NBAS: variants seen among roughly 807,000 people sequenced by gnomAD.
The protein encoded by NBAS is NAG/BC035112 fusion.
A neutral mutation model predicts 302.5 loss-of-function variants in NBAS; 219 were observed. The observed-to-expected ratio is 0.72, with a 90% confidence interval of 0.65 to 0.81. NBAS has a LOEUF of 0.81. Among genes scored for constraint, NBAS ranks in the 30% least tolerant of loss-of-function variants. The pLI is 0.00. For missense variants in NBAS, 2,932 were observed against 2,841.6 expected (o/e 1.03, Z -0.72); for synonymous variants, 1,118 against 1,021.6 (o/e 1.09, Z -1.80).
At chr2:15,217,424 T>A (rs1666702179) in intron 48 of NBAS, among the ~76,000 whole-genome samples, 1 of 152,234 alleles carries the variant, frequency 6.6e-6, no homozygotes, top group Non-Finnish European at 1.5e-5. Context: ...ATATTCGTGA[T>A]GAGGCCCAAA....
chr2:14,842,989 T>C, the NBAS span, among the ~76,000 whole-genome samples: 1 of 152,162 alleles, frequency 6.6e-6, no homozygotes, highest in African/African-American at 2.4e-5. Context: ...GAATTCATCC[T>C]ATGGATACAA....
chr2:15,366,702 G>A lies in NBAS; in HGVS notation c.3704-9C>T. 1 of 1,612,230 alleles carries A rather than the reference G, an allele frequency of 6.2e-7. No individual in the cohort carries two copies. Among genetic ancestry groups the A allele is most frequent in the Non-Finnish European group, 8.5e-7 (1 of 1,178,386 alleles). On this transcript the variant is annotated splice_polypyrimidine_tract_variant and intron_variant, in intron 31 of 51. Coordinates refer to ENST00000281513, the MANE Select transcript of NBAS (RefSeq NM_015909.4). The stretch of plus-strand genomic sequence containing the variant: ...ATCAGGGCACAATCGCACTACAAAA[G>A]AAAGACGTATTAAAGACTTGGACCA...
intron 12 of NBAS, among the ~76,000 whole-genome samples, chr2:15,485,282 T>TA (rs1334342154): frequency 1.3e-5 from 2 of 151,870 alleles, no homozygotes; most frequent in Non-Finnish European, 2.9e-5. Context: ...AGAATCAATG[T>TA]AAAAAATTAA....
intron 47 of NBAS, among the ~76,000 whole-genome samples, chr2:15,221,111 A>G (rs1433090012): frequency 1.3e-5 from 2 of 152,220 alleles, no homozygotes; most frequent in Non-Finnish European, 2.9e-5. Context: ...ATTAGGGTGT[A>G]AAAATAGGAT....
chr2:15,490,691 G>C (rs1336513359), intron 11 of NBAS, among the ~76,000 whole-genome samples: 1 of 152,210 alleles, frequency 6.6e-6, no homozygotes, highest in Non-Finnish European at 1.5e-5. Context: ...ACTTGCCCAT[G>C]ATCACTCAAG....
At chr2:15,539,154 T>G in intron 7 of NBAS, 69 bp downstream of exon 7, 1 of 1,596,384 alleles carries the variant, frequency 6.3e-7, no homozygotes, top group Non-Finnish European at 8.6e-7. Flanking sequence ...CTTCACACTC[T>G]TTTATTCAAG....
the NBAS span, among the ~76,000 whole-genome samples, chr2:14,930,063 C>A: frequency 6.6e-6 from 1 of 152,326 alleles, no homozygotes; most frequent in South Asian, 2.1e-4. Context: ...TTTCCTGAGG[C>A]CTCCCAGCCA....
At chr2:14,861,738 G>A in the NBAS span, among the ~76,000 whole-genome samples, 6 of 152,094 alleles carry the variant, frequency 3.9e-5, no homozygotes, top group Admixed American at 1.3e-4. Flanking sequence ...TGCAAAACAG[G>A]CAATGTAAAA....
chr2:15,374,062 C>A (rs16862549), intron 31 of NBAS, among the ~76,000 whole-genome samples: 2 of 152,014 alleles, frequency 1.3e-5, no homozygotes, highest in Admixed American at 6.6e-5. Context: ...TGGGATGATA[C>A]CAAGTTGACT....
chr2:15,322,390 A>G (rs1671851401), intron 38 of NBAS, among the ~76,000 whole-genome samples: 1 of 151,916 alleles, frequency 6.6e-6, no homozygotes, highest in Non-Finnish European at 1.5e-5. Context: ...AGTATAATAA[A>G]AAATAAATAA....
chr2:15,003,644 A>C, the NBAS span, among the ~76,000 whole-genome samples: 1 of 152,188 alleles, frequency 6.6e-6, no homozygotes, highest in Non-Finnish European at 1.5e-5. Context: ...GAGGGGACGA[A>C]GGGTCTCAAG....
chr2:15,442,152 C>T (rs1461122036), intron 21 of NBAS, among the ~76,000 whole-genome samples: 5 of 127,334 alleles, frequency 3.9e-5, no homozygotes, highest in South Asian at 2.7e-4. Flanking sequence ...CTGCACCAAG[C>T]GGACCTAATA....
the NBAS span, among the ~76,000 whole-genome samples, chr2:14,882,204 G>C: frequency 4.6e-5 from 7 of 152,042 alleles, no homozygotes; most frequent in Non-Finnish European, 1.0e-4. Flanking sequence ...TCCAAAGTTT[G>C]ATTCCAATCC....
At chr2:14,953,669 C>T in the NBAS span, among the ~76,000 whole-genome samples, 9 of 152,120 alleles carry the variant, frequency 5.9e-5, no homozygotes, top group South Asian at 2.1e-4. Flanking sequence ...CCAGGGGCTC[C>T]GTGTCCAGAC....
chr2:15,109,199 G>C, the NBAS span, among the ~76,000 whole-genome samples: 6 of 152,092 alleles, frequency 3.9e-5, no homozygotes, highest in Admixed American at 2.0e-4. Context: ...ATAGTCTTTG[G>C]TGCCTGTCAA....
chr2:15,461,251 A>G lies in NBAS; in HGVS notation c.2289T>C (p.Phe763=), dbSNP rs768132261. Residue 763 remains phenylalanine, a synonymous_variant, in exon 21 of 52, where the codon TTT becomes TTC. Coordinates refer to ENST00000281513, the MANE Select transcript of NBAS (RefSeq NM_015909.4). ...ATTCATGTGGAGAAGTGGTCTCTGG[A>G]AAGTTGGACAGAATTGCAAGGCGAT... ...LPHRLAILSN[F]PETTSPHEYS... 1.7e-5 allele frequency: 27 copies of G among 1,613,920 alleles called. No homozygotes were observed. The highest frequency in any genetic ancestry group is 2.3e-5 in the Non-Finnish European group (27 of 1,179,838).
chr2:15,392,655 C>G (rs1675667062), intron 28 of NBAS, among the ~76,000 whole-genome samples: 1 of 151,938 alleles, frequency 6.6e-6, no homozygotes, highest in African/African-American at 2.4e-5. Context: ...CATCAGTGTT[C>G]ATGGATTGGA....
In NBAS at chr2:15,190,258, A is replaced by G. The variant is rs1338485455; in HGVS notation, c.6572+6T>C. 2 of 1,613,754 alleles carry G rather than the reference A, an allele frequency of 1.2e-6. No individual in the cohort carries two copies. Among genetic ancestry groups the G allele is most frequent in the East Asian group, 2.2e-5 (1 of 44,874 alleles). ...CTAATTACGCTAATTTTATGTTAAT[A>G]CTTACACATATTCACTTTTCATAGG... On this transcript the variant is annotated splice_donor_region_variant and intron_variant, in intron 49 of 51. Coordinates refer to ENST00000281513, the MANE Select transcript of NBAS (RefSeq NM_015909.4).
chr2:15,419,491 T>C (rs1417849516), intron 23 of NBAS, among the ~76,000 whole-genome samples: 5 of 152,170 alleles, frequency 3.3e-5, no homozygotes, highest in East Asian at 3.9e-4. Flanking sequence ...AGTGCAGTCA[T>C]AGCACATTAC....
Sources: allele counts gnomAD v4.1 joint callset (sites outside exome capture counted in the v4.1 genomes callset), GRCh38; gene constraint gnomAD v4.1.1; transcripts MANE v1.5; gene names NCBI Gene and HGNC (gene_info 2026-07-23, HGNC 2026-07-21).